The following TJP2 variants were observed in gnomAD, a reference collection of about 807,000 sequenced individuals.
The protein encoded by TJP2 is tight junction protein 2.
Under a neutral mutation model 133.1 loss-of-function variants are expected in TJP2, and 91 were observed. That is an observed-to-expected ratio of 0.68 (90% CI 0.58 to 0.81). TJP2 has a LOEUF of 0.81. TJP2 is among the 40% of genes least tolerant of loss of function. TJP2 has a pLI of 0.00. For synonymous variants in TJP2, 592 were observed against 583.4 expected (o/e 1.01, Z -0.21); for missense variants, 1,541 against 1,565.6 (o/e 0.98, Z 0.26).
In TJP2 at chr9:69,254,919, C is replaced by T. The variant is rs973084791; in HGVS notation, c.*545C>T. 1.2e-5 allele frequency: 4 copies of T among 345,826 alleles called. No homozygotes were observed. Among genetic ancestry groups the T allele is most frequent in the African/African-American group, 2.1e-5 (1 of 47,694 alleles). The allele number at this position is 345,826 out of a possible 1,614,324, so 21.4% of individuals were successfully genotyped here. On this transcript the variant is annotated 3_prime_UTR_variant, in exon 23 of 23. Transcript: ENST00000377245. ...AAAACATTTTGACTAAGTTTTTATA[C>T]CAGCTTAATAGCTGTAGTTTTCCCT...
intron 17 of TJP2, 29 bp downstream of exon 17, chr9:69,240,176 G>A: frequency 6.3e-7 from 1 of 1,578,720 alleles, no homozygotes. Context: ...TAGTCCCTTT[G>A]CTAAAAAATG....
At chr9:69,139,474 T>A (rs904884937) in intron 1 of TJP2, among the ~76,000 whole-genome samples, 1 of 152,060 alleles carries the variant, frequency 6.6e-6, no homozygotes, top group East Asian at 1.9e-4. Context: ...TGTGAAGACA[T>A]AGAGAAAAGA....
chr9:69,234,299 C>A, intron 11 of TJP2, 140 bp from the exon 12 acceptor site: 1 of 698,052 alleles, frequency 1.4e-6, no homozygotes, highest in Non-Finnish European at 2.3e-6. Flanking sequence ...TGCATCTTGG[C>A]TTTGCTCTGG....
Position 69,254,554 on chromosome 9 carries a change from T to C in TJP2, c.*180T>C. The C allele has an allele frequency of 1.3e-6, 1 of 777,614 alleles. No homozygotes were observed. The highest frequency in any genetic ancestry group is 2.1e-6 in the Non-Finnish European group (1 of 466,262). 48.2% of individuals were successfully genotyped at this position (777,614 alleles called of 1,614,324 possible). On this transcript the variant is annotated 3_prime_UTR_variant, in exon 23 of 23. Transcript: ENST00000377245. The stretch of plus-strand genomic sequence containing the variant: ...CTGGTGCAAATTCAGAACTGAGGGC[T>C]CTGTTTGTGGGACTGGGTTAGAGGA...
At chr9:69,168,810 AAAAAAAG>A (rs1047854454) in intron 2 of TJP2, among the ~76,000 whole-genome samples, 5 of 149,208 alleles carry the variant, frequency 3.4e-5, no homozygotes, top group African/African-American at 1.3e-4. Flanking sequence ...CAAAAAAAAA[AAAAAAAG>A]AAAAAAGAAA....
At chr9:69,159,345 G>A (rs1823940228) in intron 2 of TJP2, among the ~76,000 whole-genome samples, 1 of 151,856 alleles carries the variant, frequency 6.6e-6, no homozygotes, top group South Asian at 2.1e-4. Context: ...AGTGATGTTT[G>A]AAAAAATATA....
intron 11 of TJP2, among the ~76,000 whole-genome samples, chr9:69,232,207 G>A (rs1293627890): frequency 1.3e-5 from 2 of 152,218 alleles, no homozygotes; most frequent in Non-Finnish European, 2.9e-5. Flanking sequence ...CCATATGGAG[G>A]TCAGGCAATA....
chr9:69,252,719 A>G (rs1194806917), intron 21 of TJP2, 96 bp from the exon 22 acceptor site: 3 of 1,136,384 alleles, frequency 2.6e-6, no homozygotes, highest in Non-Finnish European at 3.9e-6. Context: ...AATAAGTAGG[A>G]TATGGGGAAA....
At chr9:69,207,958 G>A (rs1195818595) in intron 1 of TJP2, among the ~76,000 whole-genome samples, 1 of 152,248 alleles carries the variant, frequency 6.6e-6, no homozygotes, top group Non-Finnish European at 1.5e-5. Flanking sequence ...GGGTACACTT[G>A]TAGTTAGTTG....
chr9:69,212,679 A>T, intron 2 of TJP2, 78 bp downstream of exon 2: 1 of 1,316,004 alleles, frequency 7.6e-7, no homozygotes, highest in African/African-American at 1.4e-5. Flanking sequence ...ATTTTCACCT[A>T]CACACAGTTT....
At chr9:69,169,175 G>A (rs545089393) in intron 2 of TJP2, among the ~76,000 whole-genome samples, 9 of 152,216 alleles carry the variant, frequency 5.9e-5, no homozygotes, top group African/African-American at 1.7e-4. Context: ...TTTACATATC[G>A]TTGTCTTCAA....
chr9:69,242,757 C>T (rs1480888971), intron 17 of TJP2, among the ~76,000 whole-genome samples: 2 of 152,180 alleles, frequency 1.3e-5, no homozygotes, highest in South Asian at 2.1e-4. Flanking sequence ...ATCTCACCCT[C>T]GTCCCTCTTA....
chr9:69,150,571 T>C (rs1396013604), intron 1 of TJP2, among the ~76,000 whole-genome samples: 1 of 152,210 alleles, frequency 6.6e-6, no homozygotes, highest in Non-Finnish European at 1.5e-5. Flanking sequence ...GTGCTGGGAT[T>C]ACAGGCGTGA....
At chr9:69,165,522 G>C (rs1333152945) in intron 2 of TJP2, among the ~76,000 whole-genome samples, 2 of 152,098 alleles carry the variant, frequency 1.3e-5, no homozygotes, top group African/African-American at 2.4e-5. Context: ...GCAGGGGCAA[G>C]AATACTGACT....
In TJP2 at chr9:69,242,514, G is replaced by C. The variant is rs554800514; in HGVS notation, c.2566+2367G>C. ...AGAGATTGGAATGGAAGCACACACT[G>C]TAAGCATTGAGTTTCATCTAAAACA... On this transcript the variant is annotated intron_variant, in intron 17 of 22. Transcript: ENST00000377245. Among the ~76,000 whole-genome samples, 118 of 152,328 alleles carry C rather than the reference G, an allele frequency of 7.7e-4. 1 individual carries two copies. Among genetic ancestry groups the C allele is most frequent in the African/African-American group, 2.8e-3 (115 of 41,578 alleles).
At chr9:69,235,903 T>C (rs894582886) in intron 12 of TJP2, 125 bp from the exon 13 acceptor site, 62 of 849,542 alleles carry the variant, frequency 7.3e-5, no homozygotes, top group Non-Finnish European at 1.6e-5. Context: ...GTGACTCCCA[T>C]AGGACTTGTG....
In TJP2 at chr9:69,144,693, C is replaced by T. The variant is rs528957938; in HGVS notation, c.-130-6958C>T. Among the ~76,000 whole-genome samples, 5 of 152,320 alleles carry T rather than the reference C, an allele frequency of 3.3e-5. No individual in the cohort carries two copies. In the South Asian group the frequency reaches 8.3e-4, roughly 25 times the overall value. ...TCCAGAAGCTCGAGTGATGTCATGA[C>T]ATTTTTCTTGGTACTGTTTTTCTCA... On this transcript the variant is annotated intron_variant, in intron 1 of 5. Transcript: ENST00000423935.
At chr9:69,253,085 A>T in intron 22 of TJP2, 185 bp downstream of exon 22, 1 of 631,428 alleles carries the variant, frequency 1.6e-6, no homozygotes. Context: ...ACTTAAGCAT[A>T]GTTTGCTTGT....
intron 1 of TJP2, among the ~76,000 whole-genome samples, chr9:69,140,464 T>A (rs1314581004): frequency 6.6e-6 from 1 of 151,916 alleles, no homozygotes; most frequent in East Asian, 1.9e-4. Context: ...GTGGGAGGGG[T>A]GTGTCAGCAG....
Sources: gnomAD v4.1 joint callset for allele counts (sites outside exome capture counted in the v4.1 genomes callset) on GRCh38, gnomAD v4.1.1 for gene constraint, MANE v1.5 for transcripts, NCBI Gene and HGNC (gene_info 2026-07-23, HGNC 2026-07-21) for gene names.